Variants in IGF1R observed in about 807,000 individuals in gnomAD.
IGF1R encodes the protein insulin-like growth factor 1 receptor.
A neutral mutation model predicts 144.6 loss-of-function variants in IGF1R; 44 were observed. The observed-to-expected ratio is 0.30, with a 90% confidence interval of 0.24 to 0.39. IGF1R has a LOEUF of 0.39. Ranked by LOEUF, IGF1R falls within the 10% of genes least tolerant of loss-of-function variation. The probability of loss-of-function intolerance (pLI) is 1.00; values close to 1 mark genes in which losing one functional copy is unlikely to be tolerated. For synonymous variants in IGF1R, 795 were observed against 722.8 expected (o/e 1.10, Z -1.60); for missense variants, 1,355 against 1,833.7 (o/e 0.74, Z 4.77).
At chr15:98,667,464 G>A (rs925095962) in intron 1 of IGF1R, among the ~76,000 whole-genome samples, 3 of 152,306 alleles carry the variant, frequency 2.0e-5, no homozygotes, top group African/African-American at 7.2e-5. Flanking sequence ...TAGAGGCTTC[G>A]CCTTACAGGC....
intron 2 of IGF1R, among the ~76,000 whole-genome samples, chr15:98,742,952 A>G (rs1254316279): frequency 6.6e-6 from 1 of 152,106 alleles, no homozygotes; most frequent in Non-Finnish European, 1.5e-5. Context: ...CAGGAGAATC[A>G]CTTGAACCTG....
At chr15:98,830,923 G>A (rs1163910350) in intron 2 of IGF1R, among the ~76,000 whole-genome samples, 1 of 152,126 alleles carries the variant, frequency 6.6e-6, no homozygotes, top group Non-Finnish European at 1.5e-5. Context: ...TCATTTTCTA[G>A]GAGGCCTCAG....
At chr15:98,762,321 T>C (rs2055325953) in intron 2 of IGF1R, among the ~76,000 whole-genome samples, 1 of 148,920 alleles carries the variant, frequency 6.7e-6, no homozygotes, top group Admixed American at 6.8e-5. Context: ...CATCGCAGCC[T>C]CAAACTCCTG....
chr15:98,735,479 G>C lies in IGF1R; in HGVS notation c.640+27372G>C, dbSNP rs540216277. 2.0e-5 allele frequency among the ~76,000 whole-genome samples: 3 copies of C among 152,368 alleles called. 1 individual carries two copies. Among genetic ancestry groups the C allele is most frequent in the African/African-American group, 7.2e-5 (3 of 41,584 alleles). On this transcript the variant is annotated intron_variant, in intron 2 of 20. Coordinates refer to ENST00000650285, the MANE Select transcript of IGF1R (RefSeq NM_000875.5). ...GTGAGCAATCTGTTCCAGTGGCACA[G>C]ACCTGTTTCAAGAGGTCTCTAGCCG...
chr15:98,778,920 C>T lies in IGF1R; in HGVS notation c.640+70813C>T, dbSNP rs1406357562. Among the ~76,000 whole-genome samples the T allele has an allele frequency of 2.6e-5, 4 of 152,276 alleles. No individual in the cohort carries two copies. In the South Asian group the frequency reaches 8.3e-4, roughly 32 times the overall value. On this transcript the variant is annotated intron_variant, in intron 2 of 20. Transcript: ENST00000650285. The stretch of plus-strand genomic sequence containing the variant: ...AACAATGGAAAAACCCACCACCAGC[C>T]CCAAAACCAGCTGTCTTTCTTCTTA...
intron 1 of IGF1R, among the ~76,000 whole-genome samples, chr15:98,676,867 C>T (rs1484582422): frequency 6.6e-6 from 1 of 152,046 alleles, no homozygotes; most frequent in East Asian, 1.9e-4. Context: ...CTTTTTGTTG[C>T]TAATGTAGAA....
rs1377449223 is a variant in IGF1R, at chr15:98,957,364, G to A, written c.4026G>A (p.Glu1342=). 6.2e-7 allele frequency: 1 copy of A among 1,612,732 alleles called. No individual in the cohort carries two copies. Among genetic ancestry groups the A allele is most frequent in the Non-Finnish European group, 8.5e-7 (1 of 1,179,284 alleles). ...GVLVLRASFD[E]RQPYAHMNGG... ...TGGTCCTCCGCGCCAGCTTCGACGA[G>A]AGACAGCCTTACGCCCACATGAACG... Residue 1342 remains glutamate, a synonymous_variant, in exon 21 of 21, where the codon GAG becomes GAA. Coordinates refer to ENST00000650285, the MANE Select transcript of IGF1R (RefSeq NM_000875.5).
intron 2 of IGF1R, among the ~76,000 whole-genome samples, chr15:98,805,602 G>T (rs990020265): frequency 1.3e-4 from 20 of 152,148 alleles, no homozygotes; most frequent in African/African-American, 4.8e-4. Flanking sequence ...TGTTTCAGTT[G>T]CCCCTTGGGT....
At chr15:98,734,544 C>T (rs757407458) in intron 2 of IGF1R, among the ~76,000 whole-genome samples, 1 of 152,152 alleles carries the variant, frequency 6.6e-6, no homozygotes, top group Non-Finnish European at 1.5e-5. Context: ...TCACTGACCC[C>T]GAACCTGTGT....
At chr15:98,654,783 A>G (rs1290911114) in intron 1 of IGF1R, among the ~76,000 whole-genome samples, 1 of 151,890 alleles carries the variant, frequency 6.6e-6, no homozygotes, top group Non-Finnish European at 1.5e-5. Context: ...ATAGTTGCAC[A>G]CATGTTACGG....
rs1186868351 is a variant in IGF1R at position 98,949,081 on chromosome 15, AGTC to A, written c.3722+375_3722+377del. 3.9e-5 allele frequency among the ~76,000 whole-genome samples: 6 copies of A among 152,238 alleles called. No individual in the cohort carries two copies. In the East Asian group the frequency reaches 1.2e-3, roughly 29 times the overall value. ...TACAACACAACACATACTACTCTGA[AGTC>A]GAATTCAAGAGCCCCGCGCCCCACC... On this transcript the variant is annotated intron_variant, in intron 20 of 20. Transcript: ENST00000650285.
At chr15:98,869,434 C>CTTTTT (rs60569365) in intron 2 of IGF1R, among the ~76,000 whole-genome samples, 61 of 134,930 alleles carry the variant, frequency 4.5e-4, no homozygotes, top group African/African-American at 1.7e-3. Flanking sequence ...CCTTGAGATT[C>CTTTTT]TTTTTTTTTT....
intron 2 of IGF1R, among the ~76,000 whole-genome samples, chr15:98,843,538 T>C (rs932646243): frequency 6.6e-6 from 1 of 152,122 alleles, no homozygotes; most frequent in Non-Finnish European, 1.5e-5. Flanking sequence ...GTTTTTAAAA[T>C]ATTAAAAAAT....
intron 2 of IGF1R, among the ~76,000 whole-genome samples, chr15:98,739,021 G>A (rs144250755): frequency 4.9e-4 from 75 of 152,240 alleles, no homozygotes; most frequent in African/African-American, 1.7e-3. Context: ...GTGACATCTT[G>A]CCTTGCTTCA....
chr15:98,841,015 C>A (rs949098478), intron 2 of IGF1R, among the ~76,000 whole-genome samples: 1 of 152,060 alleles, frequency 6.6e-6, no homozygotes, highest in Non-Finnish European at 1.5e-5. Flanking sequence ...TCGCTTGTAG[C>A]CTCCCGAAGT....
intron 15 of IGF1R, 128 bp from the exon 16 acceptor site, chr15:98,934,696 C>T (rs569178163): frequency 6.5e-5 from 51 of 785,006 alleles, no homozygotes; most frequent in Middle Eastern, 2.3e-4. Context: ...GCCATGCCAT[C>T]GCCTCCTGGT....
intron 5 of IGF1R, among the ~76,000 whole-genome samples, chr15:98,900,280 T>C (rs2014415587): frequency 6.6e-6 from 1 of 152,242 alleles, no homozygotes; most frequent in African/African-American, 2.4e-5. Context: ...TCAGCCTGTG[T>C]GTACCTTTGC....
intron 1 of IGF1R, among the ~76,000 whole-genome samples, chr15:98,671,185 A>T (rs988204623): frequency 1.3e-5 from 2 of 152,222 alleles, no homozygotes; most frequent in African/African-American, 4.8e-5. Flanking sequence ...GAAAGCATTC[A>T]TGCAGGTTCA....
intron 5 of IGF1R, among the ~76,000 whole-genome samples, chr15:98,907,882 A>T (rs904756482): frequency 6.6e-6 from 1 of 152,178 alleles, no homozygotes; most frequent in Non-Finnish European, 1.5e-5. Context: ...CTGGTTCTCC[A>T]CGTGTGGTCC....
Sources: allele counts gnomAD v4.1 joint callset (sites outside exome capture counted in the v4.1 genomes callset), GRCh38; gene constraint gnomAD v4.1.1; transcripts MANE v1.5; gene names NCBI Gene and HGNC (gene_info 2026-07-23, HGNC 2026-07-21).